Variants in FAM53A observed in about 807,000 individuals in gnomAD.
FAM53A encodes the protein family with sequence similarity 53 member A, also known as protein FAM53A.
A neutral mutation model predicts 26.6 loss-of-function variants in FAM53A; 28 were observed. The ratio of observed to expected loss-of-function variants is 1.05; its 90% CI spans 0.78 to 1.45. The LOEUF (loss-of-function observed/expected upper bound fraction) is 1.45. FAM53A is among the 40% of genes most tolerant of loss of function. The pLI is 0.00. For synonymous variants in FAM53A, 290 were observed against 253.1 expected, an observed-to-expected ratio of 1.15 and a Z score of -1.38; for missense variants, 650 against 575.8, an observed-to-expected ratio of 1.13 and a Z score of -1.32.
At chr4:1,654,326 A>G (rs1713130016) in intron 4 of FAM53A, among the ~76,000 whole-genome samples, 1 of 152,218 alleles carries the variant, frequency 6.6e-6, no homozygotes, top group Admixed American at 6.5e-5. Context: ...AACACAGAGC[A>G]AGACCTGGGA....
chr4:1,644,592 G>A (rs928657803), intron 4 of FAM53A: 1 of 459,116 alleles, frequency 2.2e-6, no homozygotes, highest in Non-Finnish European at 3.9e-6. Context: ...CAGCCCCGGG[G>A]CTCCGTCCCA....
At chr4:1,587,480 C>T in the FAM53A span, among the ~76,000 whole-genome samples, 43 of 152,134 alleles carry the variant, frequency 2.8e-4, no homozygotes, top group African/African-American at 1.0e-3. Flanking sequence ...AAGATCAGCC[C>T]GACCAACATG....
At chr4:1,602,680 G>C in the FAM53A span, among the ~76,000 whole-genome samples, 1 of 152,142 alleles carries the variant, frequency 6.6e-6, no homozygotes, top group Non-Finnish European at 1.5e-5. Flanking sequence ...CCCCCTCCCC[G>C]CCAGGCAGGA....
At chr4:1,670,456 G>C in intron 1 of FAM53A, among the ~76,000 whole-genome samples, 1 of 152,232 alleles carries the variant, frequency 6.6e-6, no homozygotes, top group East Asian at 1.9e-4. Flanking sequence ...AGGGGACTGG[G>C]CAGACCAAAC....
intron 1 of FAM53A, among the ~76,000 whole-genome samples, chr4:1,627,063 G>A (rs561568490): frequency 5.9e-5 from 9 of 152,306 alleles, no homozygotes; most frequent in Admixed American, 2.0e-4. Context: ...ACCAAGCGTG[G>A]CCATGTGGAC....
intron 1 of FAM53A, among the ~76,000 whole-genome samples, chr4:1,621,228 C>G (rs1048306122): frequency 6.6e-6 from 1 of 151,646 alleles, no homozygotes; most frequent in African/African-American, 2.4e-5. Flanking sequence ...CTCAGCCTCC[C>G]GCATAACTGG....
At chr4:1,625,364 G>A (rs111581277) in intron 1 of FAM53A, among the ~76,000 whole-genome samples, 36 of 33,082 alleles carry the variant, frequency 1.1e-3, no homozygotes, top group Middle Eastern at 0.036. Context: ...CCACGTCCCG[G>A]CCCACGTGGT....
chr4:1,599,232 CCG>C, the FAM53A span, among the ~76,000 whole-genome samples: 1 of 48,622 alleles, frequency 2.1e-5, no homozygotes, highest in Admixed American at 2.7e-4. The surrounding 1 kb of genome is among the most constrained non-coding windows in gnomAD (Gnocchi z 6.1). Context: ...GAGCGCAGGG[CCG>C]TCAGCTCCAA....
chr4:1,606,210 T>C, the FAM53A span, among the ~76,000 whole-genome samples: 2 of 151,696 alleles, frequency 1.3e-5, no homozygotes, highest in African/African-American at 4.8e-5. Flanking sequence ...GGATAATTTT[T>C]TTTTTTTTGT....
chr4:1,591,383 G>C, the FAM53A span, among the ~76,000 whole-genome samples: 1 of 152,100 alleles, frequency 6.6e-6, no homozygotes, highest in South Asian at 2.1e-4. Context: ...TCCGGGACCT[G>C]TGATGCACCT....
In FAM53A at chr4:1,656,506, G is replaced by C. The variant is rs143942621; in HGVS notation, c.137-783C>G. ...GGTGACTGGGAGAGAGATGGGGGCT[G>C]TGGGGAGGAGACGTGGAGGTGTAGG... On this transcript the variant is annotated intron_variant, in intron 3 of 4. Coordinates refer to ENST00000308132, the MANE Select transcript of FAM53A (RefSeq NM_001174070.3). 4.7e-4 allele frequency among the ~76,000 whole-genome samples: 71 copies of C among 152,286 alleles called. 1 individual carries two copies. The East Asian group carries it at 0.013, about 27-fold the overall frequency.
the FAM53A span, among the ~76,000 whole-genome samples, chr4:1,599,726 C>G: frequency 1.3e-5 from 2 of 152,018 alleles, no homozygotes; most frequent in African/African-American, 4.8e-5. The surrounding 1 kb of genome is among the most constrained non-coding windows in gnomAD (Gnocchi z 6.1). Flanking sequence ...CCACACTAGT[C>G]AAACACACGT....
At chr4:1,666,643 G>C (rs1157028002) in intron 2 of FAM53A, among the ~76,000 whole-genome samples, 1 of 152,266 alleles carries the variant, frequency 6.6e-6, no homozygotes, top group African/African-American at 2.4e-5. Context: ...TGATAGGCAT[G>C]TGCCGCTCTG....
intron 4 of FAM53A, among the ~76,000 whole-genome samples, chr4:1,653,678 T>A (rs771514109): frequency 6.6e-6 from 1 of 152,230 alleles, no homozygotes; most frequent in Admixed American, 6.5e-5. Flanking sequence ...AAAAGTTTCA[T>A]AGCAGGGAAG....
At chr4:1,606,078 G>A in the FAM53A span, among the ~76,000 whole-genome samples, 4 of 143,868 alleles carry the variant, frequency 2.8e-5, no homozygotes, top group Non-Finnish European at 6.0e-5. Context: ...TCGCTCTGTC[G>A]CCCAGGCTGG....
chr4:1,629,291 A>G (rs1453928294), intron 1 of FAM53A, among the ~76,000 whole-genome samples: 2 of 152,092 alleles, frequency 1.3e-5, no homozygotes, highest in African/African-American at 2.4e-5. Context: ...GCCACCACCT[A>G]GAGTCAATCT....
chr4:1,623,008 G>A (rs1403099784), intron 1 of FAM53A, among the ~76,000 whole-genome samples: 1 of 152,208 alleles, frequency 6.6e-6, no homozygotes, highest in Non-Finnish European at 1.5e-5. Flanking sequence ...GTGCCCATGG[G>A]GAAACGAAGG....
the FAM53A span, among the ~76,000 whole-genome samples, chr4:1,587,533 G>A: frequency 2.3e-3 from 346 of 152,270 alleles, no homozygotes; most frequent in Non-Finnish European, 3.9e-3. Context: ...TTAGCTAGGC[G>A]TGGTGGTGCA....
chr4:1,586,178 C>G, the FAM53A span, among the ~76,000 whole-genome samples: 6 of 152,042 alleles, frequency 3.9e-5, no homozygotes, highest in Non-Finnish European at 5.9e-5. Context: ...GTGCAGGTCT[C>G]TCTTGGTGAG....
Sources: gnomAD v4.1 joint callset for allele counts (sites outside exome capture counted in the v4.1 genomes callset) on GRCh38, gnomAD v4.1.1 for gene constraint, Gnocchi (gnomAD v3.1) non-coding constraint, MANE v1.5 for transcripts, NCBI Gene and HGNC (gene_info 2026-07-23, HGNC 2026-07-21) for gene names.